The following ZNF600 variants were observed in gnomAD, a reference collection of about 807,000 sequenced individuals.
The protein encoded by ZNF600 is zinc finger protein KR-ZNF1.
In ZNF600, 4 loss-of-function variants were observed where a neutral mutation model predicts 7.3. The observed-to-expected ratio is 0.55, with a 90% CI of 0.27 to 1.25. The LOEUF (loss-of-function observed/expected upper bound fraction) is 1.25. Ranked by LOEUF, ZNF600 falls within the 50% of genes most tolerant of loss-of-function variation. The probability of loss-of-function intolerance (pLI) is 0.12; values close to 1 mark genes in which losing one functional copy is unlikely to be tolerated. For missense variants in ZNF600, 911 were observed against 922.1 expected (o/e 0.99, Z 0.16); for synonymous variants, 290 against 308.9 (o/e 0.94, Z 0.64).
chr19:52,813,249 G>GAAAAA, the ZNF600 span, among the ~76,000 whole-genome samples: 95 of 62,920 alleles, frequency 1.5e-3, 3 homozygotes, highest in Admixed American at 2.1e-3. Flanking sequence ...CTTGAATGGT[G>GAAAAA]AAAAAAAAAA....
At chr19:52,773,393 C>T (rs538254060) in intron 3 of ZNF600, among the ~76,000 whole-genome samples, 1 of 152,266 alleles carries the variant, frequency 6.6e-6, no homozygotes, top group East Asian at 1.9e-4. Flanking sequence ...TTTTACATCT[C>T]TTAAATTAAA....
chr19:52,769,336 A>C (rs567790352), intron 3 of ZNF600, among the ~76,000 whole-genome samples: 29 of 152,130 alleles, frequency 1.9e-4, no homozygotes, highest in Non-Finnish European at 3.4e-4. Context: ...CGTCCTGTAC[A>C]CCTGGCTCTG....
the ZNF600 span, among the ~76,000 whole-genome samples, chr19:52,824,213 G>T: frequency 6.6e-6 from 1 of 152,060 alleles, no homozygotes; most frequent in Non-Finnish European, 1.5e-5. Flanking sequence ...CCACAGTAGG[G>T]TGTCCTCAAA....
chr19:52,806,762 C>T, the ZNF600 span, among the ~76,000 whole-genome samples: 1 of 151,884 alleles, frequency 6.6e-6, no homozygotes, highest in Non-Finnish European at 1.5e-5. Context: ...ATTAGCTGGG[C>T]ATGGTGGTGA....
chr19:52,784,730 C>T (rs1292018476), intron 1 of ZNF600, among the ~76,000 whole-genome samples: 1 of 152,178 alleles, frequency 6.6e-6, no homozygotes, highest in Non-Finnish European at 1.5e-5. Context: ...CAAAGTCCCC[C>T]ACCCTTTTTT....
At chr19:52,802,300 A>G in the ZNF600 span, among the ~76,000 whole-genome samples, 1 of 152,218 alleles carries the variant, frequency 6.6e-6, no homozygotes, top group Admixed American at 6.6e-5. Flanking sequence ...AGCCAAAGGC[A>G]AAGGTTGCTG....
upstream of ZNF600, among the ~76,000 whole-genome samples, chr19:52,791,386 A>G (rs569734417): frequency 4.7e-4 from 72 of 152,344 alleles, no homozygotes; most frequent in Middle Eastern, 6.8e-3. Context: ...GGTGAGTGCA[A>G]GTGAATGTGT....
the ZNF600 span, chr19:52,805,994 G>T: frequency 6.6e-6 from 1 of 151,854 alleles, no homozygotes; most frequent in Non-Finnish European, 1.5e-5. Context: ...AATACATAAA[G>T]TAATTAATTA....
the ZNF600 span, among the ~76,000 whole-genome samples, chr19:52,830,009 C>T: frequency 1.3e-5 from 2 of 152,278 alleles, no homozygotes; most frequent in African/African-American, 2.4e-5. Flanking sequence ...AACGGTGGCT[C>T]ATGCTTGTAA....
At chr19:52,788,454 GA>G (rs2062782784), upstream of ZNF600, among the ~76,000 whole-genome samples, 1 of 152,048 alleles carries the variant, frequency 6.6e-6, no homozygotes, top group South Asian at 2.1e-4. Flanking sequence ...TTAATTTTTA[GA>G]AATCACTCCC....
the ZNF600 span, among the ~76,000 whole-genome samples, chr19:52,817,395 G>C: frequency 6.6e-6 from 1 of 151,736 alleles, no homozygotes; most frequent in Admixed American, 6.6e-5. Context: ...AATAATGAAG[G>C]AATCATTAAT....
intron 1 of ZNF600, among the ~76,000 whole-genome samples, chr19:52,786,347 C>CGGGGCT (rs1265155779): frequency 5.3e-5 from 8 of 152,172 alleles, no homozygotes; most frequent in Admixed American, 2.0e-4. Flanking sequence ...GCAGCCTCCC[C>CGGGGCT]GGGGCTGGGG....
At chr19:52,803,714 C>G in the ZNF600 span, among the ~76,000 whole-genome samples, 8 of 152,096 alleles carry the variant, frequency 5.3e-5, no homozygotes, top group Admixed American at 5.2e-4. Flanking sequence ...TGCCTGTAAT[C>G]CCAGCACTTT....
the ZNF600 span, among the ~76,000 whole-genome samples, chr19:52,823,120 T>C: frequency 6.6e-6 from 1 of 152,222 alleles, no homozygotes; most frequent in African/African-American, 2.4e-5. Context: ...GGGACAATGA[T>C]GCCAACAGGT....
At chr19:52,817,381 TA>T in the ZNF600 span, among the ~76,000 whole-genome samples, 1 of 152,044 alleles carries the variant, frequency 6.6e-6, no homozygotes, top group African/African-American at 2.4e-5. Context: ...TCAAAAAAAA[TA>T]ATAATAATGA....
chr19:52,830,208 G>A, the ZNF600 span, among the ~76,000 whole-genome samples: 5 of 152,154 alleles, frequency 3.3e-5, no homozygotes, highest in South Asian at 1.0e-3. Context: ...GCGGGCAGAG[G>A]CTGGAGTGAG....
At chr19:52,812,036 G>A in the ZNF600 span, among the ~76,000 whole-genome samples, 2 of 50,816 alleles carry the variant, frequency 3.9e-5, no homozygotes, top group Admixed American at 1.5e-4. Flanking sequence ...CCCCCCGCCC[G>A]GCCAGCCGCC....
Position 52,778,965 on chromosome 19 carries a change from C to T in ZNF600, c.-19-58G>A, listed in dbSNP as rs1024138666. The T allele has an allele frequency of 4.7e-6, 7 of 1,497,372 alleles. No individual in the cohort carries two copies. The African/African-American group carries it at 9.9e-5, about 21-fold the overall frequency. 92.8% of individuals were successfully genotyped at this position (1,497,372 alleles called of 1,614,324 possible). On this transcript the variant is annotated intron_variant, in intron 1 of 3. Coordinates refer to ENST00000648973, the Ensembl canonical transcript of ZNF600. ...GAAATGACTCACTCCCATCCTGTGA[C>T]AAAACCACATGAACAGGGGAGACCT...
exon 4 of ZNF600, chr19:52,766,931 C>G (rs143682273): frequency 8.1e-6 from 13 of 1,613,860 alleles, no homozygotes; most frequent in Non-Finnish European, 1.1e-5. Context: ...ATTCATTACA[C>G]TTGTAAGGTT....
Sources: gnomAD v4.1 joint callset for allele counts (sites outside exome capture counted in the v4.1 genomes callset) on GRCh38, gnomAD v4.1.1 for gene constraint, MANE v1.5 for transcripts, NCBI Gene and HGNC (gene_info 2026-07-23, HGNC 2026-07-21) for gene names.